CASZ1: variants seen among roughly 807,000 people sequenced by gnomAD.
CASZ1 encodes the protein castor zinc finger 1.
A neutral mutation model predicts 135.2 loss-of-function variants in CASZ1; 28 were observed. That is an observed-to-expected ratio of 0.21 (90% CI 0.15 to 0.28). CASZ1 has a LOEUF of 0.28. CASZ1 is among the 10% of genes least tolerant of loss of function. CASZ1 has a pLI of 1.00. For synonymous variants in CASZ1, 1,068 were observed against 1,073.4 expected (o/e 0.99, Z 0.10); for missense variants, 2,161 against 2,453.3 (o/e 0.88, Z 2.52).
rs1226650181 is a variant in CASZ1, at chr1:10,747,252, C to T, written c.-77+13449G>A. The stretch of plus-strand genomic sequence containing the variant: ...GTGGGGCTGGGAAGCAAAGGGGAAG[C>T]CGTCCTTGGGAAGGTGGGGTCTGCA... On this transcript the variant is annotated intron_variant, in intron 2 of 20. Transcript: ENST00000377022. This position sits in a 1 kb window ranked among gnomAD's most constrained non-coding sequence, Gnocchi z 4.3. Among the ~76,000 whole-genome samples, 1 of 152,204 alleles carries T rather than the reference C, an allele frequency of 6.6e-6. No homozygotes were observed. Among genetic ancestry groups the T allele is most frequent in the Non-Finnish European group, 1.5e-5 (1 of 68,034 alleles).
At chr1:10,763,331 C>T (rs11805825) in intron 1 of CASZ1, among the ~76,000 whole-genome samples, 1 of 152,126 alleles carries the variant, frequency 6.6e-6, no homozygotes, top group Non-Finnish European at 1.5e-5. Flanking sequence ...CCGAGTCCCA[C>T]TTCTGTCCCC....
At position 10,711,612 on chromosome 1, in the gene CASZ1, C is replaced by T. The variant is rs1249448909; in HGVS notation, c.-76-6068G>A. On this transcript the variant is annotated intron_variant, in intron 2 of 20. Transcript: ENST00000377022. The surrounding 1 kb of genome is among the most constrained non-coding windows in gnomAD (Gnocchi z 4.4). The stretch of plus-strand genomic sequence containing the variant: ...AAAAAAAAAAAAAAAGAAAAACAAA[C>T]AAAACCTTGTGCATGAATGTTCATA... Among the ~76,000 whole-genome samples, 1 of 140,976 alleles carries T rather than the reference C, an allele frequency of 7.1e-6. No homozygotes were observed. Among genetic ancestry groups the T allele is most frequent in the African/African-American group, 2.6e-5 (1 of 38,180 alleles). 92.5% of individuals were successfully genotyped at this position (140,976 alleles called of 152,430 possible).
At chr1:10,681,798 T>C (rs559636325) in intron 4 of CASZ1, among the ~76,000 whole-genome samples, 149 of 152,268 alleles carry the variant, frequency 9.8e-4, no homozygotes, top group Non-Finnish European at 1.5e-3. Context: ...CCAGGAACCT[T>C]TCCTGGAGGG....
At chr1:10,689,101 G>GCCCAT (rs1253642438) in intron 4 of CASZ1, among the ~76,000 whole-genome samples, 1 of 152,158 alleles carries the variant, frequency 6.6e-6, no homozygotes, top group East Asian at 1.9e-4. Context: ...GGGGCATGGG[G>GCCCAT]GGTGGGCCAG....
In CASZ1 at chr1:10,760,866, A is replaced by G. The variant is rs1570569495; in HGVS notation, c.-233-9T>C. 1.3e-5 allele frequency: 2 copies of G among 152,244 alleles called. No homozygotes were observed. Among genetic ancestry groups the G allele is most frequent in the African/African-American group, 2.4e-5 (1 of 41,462 alleles). The allele number at this position is 152,244 out of a possible 1,614,324, so 9.4% of individuals were successfully genotyped here. A position where few individuals can be genotyped will look rare whatever the true frequency, so the allele number is the denominator to read the frequency against. Reference sequence around the variant, plus strand: ...CAGCAAGGTCTGTTTGCCTGCCAAAATGAGACAGGAAAACAGAAAAGATGA... The same window carrying G: ...CAGCAAGGTCTGTTTGCCTGCCAAAGTGAGACAGGAAAACAGAAAAGATGA... On this transcript the variant is annotated splice_polypyrimidine_tract_variant and intron_variant, in intron 1 of 20. Transcript: ENST00000377022.
chr1:10,732,414 T>C (rs940357202), intron 2 of CASZ1, among the ~76,000 whole-genome samples: 1 of 151,726 alleles, frequency 6.6e-6, no homozygotes, highest in African/African-American at 2.4e-5. Context: ...AAAGGGTCAC[T>C]GAGACCAACA....
chr1:10,792,329 CCCCCCCCCCCCGG>C lies in CASZ1; in HGVS notation c.-234+4222_-234+4234del, dbSNP rs1483467561. ...TACATGGCTTACCCCTCCCCCCCGC[CCCCCCCCCCCCGG>C]CCCCGCACACAAAGTAAATGGAAAT... On this transcript the variant is annotated intron_variant, in intron 1 of 20. Transcript: ENST00000377022. 5.3e-4 allele frequency among the ~76,000 whole-genome samples: 9 copies of C among 17,082 alleles called. 3 individuals carry two copies. The highest frequency in any genetic ancestry group is 9.2e-3 in the East Asian group (2 of 218). The allele number at this position is 17,082 out of a possible 152,430, so 11.2% of individuals were successfully genotyped here.
At chr1:10,744,376 C>A (rs982685783) in intron 2 of CASZ1, among the ~76,000 whole-genome samples, 1 of 147,868 alleles carries the variant, frequency 6.8e-6, no homozygotes, top group African/African-American at 2.5e-5. Flanking sequence ...CTGGGCACCA[C>A]GAGCAGGCAT....
At chr1:10,680,682 C>T (rs890653758) in intron 4 of CASZ1, among the ~76,000 whole-genome samples, 4 of 152,156 alleles carry the variant, frequency 2.6e-5, no homozygotes, top group African/African-American at 9.7e-5. Flanking sequence ...AAGGGGCAGG[C>T]GGGCAGACGG....
intron 3 of CASZ1, among the ~76,000 whole-genome samples, chr1:10,696,359 G>A (rs1361984179): frequency 6.6e-6 from 1 of 152,208 alleles, no homozygotes; most frequent in African/African-American, 2.4e-5. Flanking sequence ...ACCTTACTGA[G>A]CTGCCCCTGG....
In CASZ1 at chr1:10,768,464, G is replaced by A. The variant is rs181748718; in HGVS notation, c.-233-7607C>T. Among the ~76,000 whole-genome samples the A allele has an allele frequency of 1.1e-4, 16 of 152,146 alleles. No individual in the cohort carries two copies. In the East Asian group the frequency reaches 1.4e-3, roughly 13 times the overall value. ...AACTCCTGACCTCAAGTTAGCTGCC[G>A]GGCTCAGCCTCCCAAAGTGCTGGAA... On this transcript the variant is annotated intron_variant, in intron 1 of 20. Coordinates refer to ENST00000377022, the MANE Select transcript of CASZ1 (RefSeq NM_001079843.3).
Position 10,694,385 on chromosome 1 carries a change from G to T in CASZ1, c.-23-473C>A. 9.8e-7 allele frequency: 1 copy of T among 1,015,602 alleles called. No homozygotes were observed. The highest frequency in any genetic ancestry group is 1.3e-6 in the Non-Finnish European group (1 of 799,298). The allele number at this position is 1,015,602 out of a possible 1,614,324, so 62.9% of individuals were successfully genotyped here. ...GCCTAATTGCAACTGATTACTCCCC[G>T]AATAACAAGTTGTTTTAAAGCCCTG... On this transcript the variant is annotated intron_variant, in intron 3 of 20. Coordinates refer to ENST00000377022, the MANE Select transcript of CASZ1 (RefSeq NM_001079843.3). The surrounding 1 kb of genome is among the most constrained non-coding windows in gnomAD (Gnocchi z 6.6).
intron 1 of CASZ1, among the ~76,000 whole-genome samples, chr1:10,791,530 A>C (rs1640955035): frequency 6.6e-6 from 1 of 152,196 alleles, no homozygotes; most frequent in Non-Finnish European, 1.5e-5. Flanking sequence ...CCTTGTCTCC[A>C]AACTACACAA....
intron 4 of CASZ1, among the ~76,000 whole-genome samples, chr1:10,668,128 A>C (rs1461618122): frequency 1.3e-5 from 2 of 152,046 alleles, no homozygotes; most frequent in Non-Finnish European, 2.9e-5. Flanking sequence ...GGTAGGGCTT[A>C]GGTTTGTAAG....
intron 9 of CASZ1, 96 bp downstream of exon 9, chr1:10,655,553 C>T: frequency 8.2e-7 from 1 of 1,216,718 alleles, no homozygotes; most frequent in Non-Finnish European, 1.1e-6. Context: ...GGTCCCTGCC[C>T]ATGGGGCAGC....
At chr1:10,753,387 C>T (rs1640184487) in intron 2 of CASZ1, among the ~76,000 whole-genome samples, 1 of 152,228 alleles carries the variant, frequency 6.6e-6, no homozygotes, top group Non-Finnish European at 1.5e-5. Flanking sequence ...CACTGCTGCA[C>T]TGTCCAATAC....
Position 10,650,697 on chromosome 1 carries a change from T to C in CASZ1, c.2875A>G (p.Asn959Asp). 1 of 1,613,648 alleles carries C rather than the reference T, an allele frequency of 6.2e-7. No individual in the cohort carries two copies. Among genetic ancestry groups the C allele is most frequent in the Non-Finnish European group, 8.5e-7 (1 of 1,179,500 alleles). The change falls in exon 13 of 21, where the codon AAT becomes GAT. Residue 959 changes from asparagine (N) to aspartate (D), a missense_variant. Asn to Asp is a conservative substitution (Grantham distance 23, BLOSUM62 1). Coordinates refer to ENST00000377022, the MANE Select transcript of CASZ1 (RefSeq NM_001079843.3). Reference protein sequence around the residue: ...ANSSLLSSLMNKMSQGNPGLG... With the variant: ...ANSSLLSSLMDKMSQGNPGLG... Reference sequence around the variant, plus strand: ...GTGTGATGGATGGCTCTTACCTTATTCATAAGCGAGGATAAAAGAGATGAA... The same window carrying C: ...GTGTGATGGATGGCTCTTACCTTATCCATAAGCGAGGATAAAAGAGATGAA...
chr1:10,665,448 C>A lies in CASZ1; in HGVS notation c.140G>T (p.Arg47Leu). 1 of 1,610,662 alleles carries A rather than the reference C, an allele frequency of 6.2e-7. No homozygotes were observed. Among genetic ancestry groups the A allele is most frequent in the South Asian group, 1.1e-5 (1 of 91,058 alleles). ...CTCCGTGTGGGAGCCGGCGTCAGCT[C>A]GCTTCTCCACCACCACCTGGCGGCT... ...KLSRQVVVEK[R>L]ADAGSHTEGS... Residue 47 changes from arginine (R) to leucine (L), a missense_variant, in exon 5 of 21, where the codon CGA becomes CTA. Coordinates refer to ENST00000377022, the MANE Select transcript of CASZ1 (RefSeq NM_001079843.3).
chr1:10,685,043 G>T (rs1467691536), intron 4 of CASZ1, among the ~76,000 whole-genome samples: 2 of 152,230 alleles, frequency 1.3e-5, no homozygotes, highest in Non-Finnish European at 1.5e-5. Context: ...GATGAGCATG[G>T]CCTCCCTGCC....
Sources: allele counts gnomAD v4.1 joint callset (sites outside exome capture counted in the v4.1 genomes callset), GRCh38; gene constraint gnomAD v4.1.1; non-coding constraint Gnocchi (gnomAD v3.1); transcripts MANE v1.5; gene names NCBI Gene and HGNC (gene_info 2026-07-23, HGNC 2026-07-21).